CDYL: variants seen among roughly 807,000 people sequenced by gnomAD.
CDYL encodes chromodomain Y like.
In CDYL, 8 loss-of-function variants were observed where a neutral mutation model predicts 47.3. That is an observed-to-expected ratio of 0.17 (90% confidence interval 0.10 to 0.31). The LOEUF is 0.31. Among genes scored for constraint, CDYL ranks in the 10% least tolerant of loss-of-function variants. The pLI is 1.00. For synonymous variants in CDYL, 266 were observed against 265.0 expected, an observed-to-expected ratio of 1.00 and a Z score of -0.04; for missense variants, 471 against 701.4, an observed-to-expected ratio of 0.67 and a Z score of 3.71.
chr6:4,921,369 G>A (rs376416692), intron 2 of CDYL, among the ~76,000 whole-genome samples: 7 of 152,214 alleles, frequency 4.6e-5, no homozygotes, highest in Non-Finnish European at 7.3e-5. Flanking sequence ...TGCCCTTCCC[G>A]TAGGTTGATG....
intron 1 of CDYL, among the ~76,000 whole-genome samples, chr6:4,780,856 G>C (rs73362512): frequency 0.074 from 11,337 of 152,194 alleles, 1,135 homozygotes; most frequent in African/African-American, 0.23. Context: ...AGGTCAAGAG[G>C]ACCTTAATTT....
chr6:4,833,302 C>T (rs1455954307), intron 1 of CDYL, among the ~76,000 whole-genome samples: 2 of 149,328 alleles, frequency 1.3e-5, no homozygotes, highest in Non-Finnish European at 3.0e-5. Flanking sequence ...CAAAGAACAT[C>T]TTTATTTCTG....
At chr6:4,932,083 A>G (rs73350308) in intron 2 of CDYL, among the ~76,000 whole-genome samples, 7,076 of 152,266 alleles carry the variant, frequency 0.046, 544 homozygotes, top group African/African-American at 0.16. Context: ...ACCCAGTGAA[A>G]GCAAGAGCAT....
chr6:4,840,759 G>C (rs1012767610), intron 1 of CDYL, among the ~76,000 whole-genome samples: 1 of 151,974 alleles, frequency 6.6e-6, no homozygotes, highest in Non-Finnish European at 1.5e-5. Flanking sequence ...GATCATGGTG[G>C]GTTATCTTTT....
intron 1 of CDYL, among the ~76,000 whole-genome samples, chr6:4,829,342 C>T (rs534472522): frequency 1.3e-5 from 2 of 152,104 alleles, no homozygotes; most frequent in African/African-American, 2.4e-5. Flanking sequence ...AGCCTCTGTT[C>T]CTCAGATTGT....
At chr6:4,733,855 T>C (rs867035376) in intron 2 of CDYL, among the ~76,000 whole-genome samples, 1,438 of 75,892 alleles carry the variant, frequency 0.019, 25 homozygotes, top group African/African-American at 0.069. Flanking sequence ...CTTCTTCTTT[T>C]TTTTTTTTTT....
At chr6:4,934,578 T>G (rs1279194806) in intron 2 of CDYL, among the ~76,000 whole-genome samples, 1 of 152,244 alleles carries the variant, frequency 6.6e-6, no homozygotes, top group African/African-American at 2.4e-5. Context: ...CTAGTTTTCT[T>G]ACATTTCATT....
intron 1 of CDYL, among the ~76,000 whole-genome samples, chr6:4,842,838 T>C (rs2127459787): frequency 1.3e-5 from 2 of 152,344 alleles, no homozygotes; most frequent in South Asian, 4.1e-4. Flanking sequence ...TGGGTTTTTT[T>C]TTCCATTATG....
intron 6 of CDYL, among the ~76,000 whole-genome samples, chr6:4,953,538 A>G (rs563412914): frequency 1.3e-5 from 2 of 152,340 alleles, no homozygotes; most frequent in South Asian, 2.1e-4. Flanking sequence ...TTTTGTTTAG[A>G]AAAATTCCCT....
intron 2 of CDYL, among the ~76,000 whole-genome samples, chr6:4,924,239 A>G (rs36118923): frequency 0.053 from 8,081 of 152,136 alleles, 406 homozygotes; most frequent in African/African-American, 0.13. Flanking sequence ...AATTTTTTGG[A>G]GTTGATTCTC....
In CDYL at chr6:4,944,453, G is replaced by A. The variant is rs1478542371; in HGVS notation, c.1332+697G>A. 2.6e-5 allele frequency among the ~76,000 whole-genome samples: 4 copies of A among 152,314 alleles called. No individual in the cohort carries two copies. In the East Asian group the frequency reaches 7.7e-4, roughly 29 times the overall value. The stretch of plus-strand genomic sequence containing the variant: ...GTGCGGGAAGCGTTGCACCCTGGAC[G>A]AGGTGGCTCCCTACAGCTGAGGGCA... On this transcript the variant is annotated intron_variant, in intron 5 of 6. Coordinates refer to ENST00000397588, the MANE Select transcript of CDYL (RefSeq NM_004824.4).
At chr6:4,897,817 T>C (rs1762330409) in intron 2 of CDYL, among the ~76,000 whole-genome samples, 1 of 149,716 alleles carries the variant, frequency 6.7e-6, no homozygotes, top group African/African-American at 2.5e-5. Flanking sequence ...TATCCAGGCA[T>C]GAGGCCAAGG....
intron 1 of CDYL, among the ~76,000 whole-genome samples, chr6:4,849,305 G>A (rs1760751903): frequency 1.3e-5 from 2 of 152,126 alleles, no homozygotes; most frequent in African/African-American, 4.8e-5. Flanking sequence ...TTAAAAATGT[G>A]GAATGGAAAG....
chr6:4,813,936 A>AT (rs10545664), intron 1 of CDYL, among the ~76,000 whole-genome samples: 1 of 122,860 alleles, frequency 8.1e-6, no homozygotes, highest in East Asian at 2.5e-4. Flanking sequence ...TGCCTGGCTA[A>AT]TTTTTTTTTT....
chr6:4,911,411 A>G (rs1318137307), intron 2 of CDYL, among the ~76,000 whole-genome samples: 1 of 152,172 alleles, frequency 6.6e-6, no homozygotes, highest in African/African-American at 2.4e-5. Context: ...TAGAAGTATA[A>G]CTGTGCACGG....
chr6:4,725,312 C>T (rs1335453051), intron 2 of CDYL, among the ~76,000 whole-genome samples: 4 of 152,270 alleles, frequency 2.6e-5, no homozygotes, highest in African/African-American at 4.8e-5. Context: ...GCCTGCCAGT[C>T]CTGCGCCTGT....
chr6:4,755,144 C>T (rs1758055704), intron 3 of CDYL, among the ~76,000 whole-genome samples: 1 of 152,112 alleles, frequency 6.6e-6, no homozygotes, highest in Admixed American at 6.5e-5. Context: ...ACTGCAACCT[C>T]TGTCTCCCAG....
intron 2 of CDYL, among the ~76,000 whole-genome samples, chr6:4,900,797 A>ATCTTGCCTGTTTTTCTTTTGGGTGGTT (rs1561697549): frequency 1.4e-5 from 1 of 71,934 alleles, no homozygotes; most frequent in East Asian, 5.3e-4. Context: ...ATATATATAT[A>ATCTTGCCTGTTTTTCTTTTGGGTGGTT]TATATATATA....
At chr6:4,742,084 G>A (rs1257556196) in intron 3 of CDYL, among the ~76,000 whole-genome samples, 1 of 152,158 alleles carries the variant, frequency 6.6e-6, no homozygotes, top group African/African-American at 2.4e-5. Flanking sequence ...GGAAAGGCTG[G>A]GTGTGGTGGC....
Sources: gnomAD v4.1 joint callset for allele counts (sites outside exome capture counted in the v4.1 genomes callset) on GRCh38, gnomAD v4.1.1 for gene constraint, MANE v1.5 for transcripts, NCBI Gene and HGNC (gene_info 2026-07-23, HGNC 2026-07-21) for gene names.